STYX: variants seen among roughly 807,000 people sequenced by gnomAD.
The protein encoded by STYX is serine/threonine/tyrosine-interacting protein.
A neutral mutation model predicts 42.7 loss-of-function variants in STYX; 20 were observed. The ratio of observed to expected loss-of-function variants is 0.47; its 90% CI spans 0.33 to 0.68. The LOEUF (loss-of-function observed/expected upper bound fraction) is 0.68. Among genes scored for constraint, STYX ranks in the 30% least tolerant of loss-of-function variants. The pLI, the probability that STYX is intolerant of heterozygous loss-of-function variation, is 0.02. For synonymous variants in STYX, 78 were observed against 81.9 expected (o/e 0.95, Z 0.26); for missense variants, 226 against 268.5 (o/e 0.84, Z 1.11).
chr14:52,734,408 G>A (rs1880864917), intron 1 of STYX, among the ~76,000 whole-genome samples: 1 of 151,778 alleles, frequency 6.6e-6, no homozygotes, highest in East Asian at 1.9e-4. Flanking sequence ...CTCCCATAGA[G>A]GTGTGTGTGT....
intron 1 of STYX, among the ~76,000 whole-genome samples, chr14:52,733,900 TC>T (rs923523654): frequency 2.0e-5 from 3 of 151,932 alleles, no homozygotes; most frequent in Admixed American, 6.6e-5. Flanking sequence ...CTAGCAGCAC[TC>T]CCCCCCGACC....
intron 3 of STYX, among the ~76,000 whole-genome samples, chr14:52,749,929 G>A (rs1265768765): frequency 1.3e-5 from 2 of 152,110 alleles, no homozygotes; most frequent in East Asian, 1.9e-4. Flanking sequence ...ATGAAATTAC[G>A]TTCAGAGTAT....
At chr14:52,733,349 A>T (rs538275268) in intron 1 of STYX, among the ~76,000 whole-genome samples, 1 of 151,868 alleles carries the variant, frequency 6.6e-6, no homozygotes, top group Non-Finnish European at 1.5e-5. Flanking sequence ...TCTTTTTTTT[A>T]TGCTACCAGA....
At chr14:52,738,127 C>G (rs1881034598) in intron 1 of STYX, among the ~76,000 whole-genome samples, 1 of 152,096 alleles carries the variant, frequency 6.6e-6, no homozygotes, top group Non-Finnish European at 1.5e-5. Flanking sequence ...GTTAGGGCAG[C>G]AAAGAAGGTG....
chr14:52,746,273 A>AC (rs1881392974), intron 2 of STYX, among the ~76,000 whole-genome samples, 153 bp from the exon 3 acceptor site: 4 of 151,806 alleles, frequency 2.6e-5, no homozygotes, highest in Non-Finnish European at 4.4e-5. Context: ...TATTTTTTAA[A>AC]GAAAAAAAAA....
chr14:52,754,239 A>C (rs116326145), intron 4 of STYX, among the ~76,000 whole-genome samples: 2,569 of 149,166 alleles, frequency 0.017, 76 homozygotes, highest in African/African-American at 0.06. Context: ...CAAAGATAGG[A>C]TCTTTCTCTG....
intron 2 of STYX, among the ~76,000 whole-genome samples, chr14:52,745,270 G>A (rs543831865): frequency 3.3e-5 from 5 of 152,096 alleles, no homozygotes; most frequent in South Asian, 2.1e-4. Context: ...ACAGGCATGC[G>A]CCACCACACC....
chr14:52,761,128 A>C (rs1882076508), intron 9 of STYX, among the ~76,000 whole-genome samples: 1 of 152,150 alleles, frequency 6.6e-6, no homozygotes, highest in African/African-American at 2.4e-5. Context: ...CAGGAGTTCG[A>C]GACCAGCCTG....
intron 9 of STYX, among the ~76,000 whole-genome samples, chr14:52,762,424 G>A (rs1349521948): frequency 6.6e-6 from 1 of 152,162 alleles, no homozygotes; most frequent in African/African-American, 2.4e-5. Flanking sequence ...GATCACATTA[G>A]ATTGGATTTC....
rs540973540 is a variant in STYX, at chr14:52,743,037, C to T, written c.58-1815C>T. Among the ~76,000 whole-genome samples, 338 of 151,786 alleles carry T rather than the reference C, an allele frequency of 2.2e-3. 1 individual carries two copies. Among genetic ancestry groups the T allele is most frequent in the Non-Finnish European group, 4.0e-3 (270 of 67,908 alleles). ...TCTCAAATTCCTAACCTCAGGTGAT[C>T]CACCCGCCTCAGCCTCCCAAAGTGC... On this transcript the variant is annotated intron_variant, in intron 1 of 10. Transcript: ENST00000354586.
intron 1 of STYX, among the ~76,000 whole-genome samples, chr14:52,743,260 G>A (rs1192483763): frequency 6.6e-6 from 1 of 151,576 alleles, no homozygotes; most frequent in African/African-American, 2.4e-5. Context: ...CATTATAGAT[G>A]TATACTATTT....
chr14:52,773,812 T>C lies in STYX; in HGVS notation c.*2706T>C, dbSNP rs988892993. 2 of 152,186 alleles carry C rather than the reference T, an allele frequency of 1.3e-5. No homozygotes were observed. Among genetic ancestry groups the C allele is most frequent in the African/African-American group, 4.8e-5 (2 of 41,446 alleles). The allele number at this position is 152,186 out of a possible 1,614,324, so 9.4% of individuals were successfully genotyped here. A position where few individuals can be genotyped will look rare whatever the true frequency, so the allele number is the denominator to read the frequency against. Reference sequence around the variant, plus strand: ...TGATTCTTTTATTACCACTGATGTTTTGTGATAGTTAACTATGATAAATTT... The same window carrying C: ...TGATTCTTTTATTACCACTGATGTTCTGTGATAGTTAACTATGATAAATTT... On this transcript the variant is annotated 3_prime_UTR_variant, in exon 11 of 11. Coordinates refer to ENST00000354586, the MANE Select transcript of STYX (RefSeq NM_145251.4).
Position 52,730,395 on chromosome 14 carries a change from T to G in STYX, c.-80T>G. On this transcript the variant is annotated 5_prime_UTR_variant, in exon 1 of 11. Coordinates refer to ENST00000354586, the MANE Select transcript of STYX (RefSeq NM_145251.4). ...CTCCGCTCCGCCGGCCCTCCTTCCT[T>G]CCGCCGCCGCAGCCAGCCCGAGGGT... 4.0e-6 allele frequency: 6 copies of G among 1,512,864 alleles called. No individual in the cohort carries two copies. The highest frequency in any genetic ancestry group is 5.4e-6 in the Non-Finnish European group (6 of 1,102,928). 93.7% of individuals were successfully genotyped at this position (1,512,864 alleles called of 1,614,324 possible).
At chr14:52,735,765 T>TTAATGTGATCAAGCTATGA (rs1880922318) in intron 1 of STYX, among the ~76,000 whole-genome samples, 1 of 152,186 alleles carries the variant, frequency 6.6e-6, no homozygotes, top group Non-Finnish European at 1.5e-5. Flanking sequence ...GCTTTTAATG[T>TTAATGTGATCAAGCTATGA]TAATGTGATC....
Position 52,771,079 on chromosome 14 carries a change from G to C in STYX, c.645G>C (p.Met215Ile). 6.2e-7 allele frequency: 1 copy of C among 1,612,170 alleles called. No individual in the cohort carries two copies. The highest frequency in any genetic ancestry group is 8.5e-7 in the Non-Finnish European group (1 of 1,178,682). The change falls in exon 11 of 11, where the codon ATG (methionine) becomes ATC (isoleucine). Residue 215 changes from methionine to isoleucine, a missense_variant. By Grantham distance (10) the Met-to-Ile change is conservative. Coordinates refer to ENST00000354586, the MANE Select transcript of STYX (RefSeq NM_145251.4). ...AAGAAGAGGATGATTTTGGAACCAT[G>C]CAAGTGGCGACTGCACAGAATGGCT... The part of the protein sequence containing the change: ...THEEEDDFGT[M>I]QVATAQNG
rs1014822691 is a variant in STYX at position 52,774,873 on chromosome 14, A to G, written c.*3767A>G. On this transcript the variant is annotated 3_prime_UTR_variant, in exon 11 of 11. Transcript: ENST00000354586. ...ACATTTGTACTTGGATAAAATGCTTATGTCTGTATAGGAATGTCACAGTGC... is the reference window on the plus strand; with the variant it reads ...ACATTTGTACTTGGATAAAATGCTTGTGTCTGTATAGGAATGTCACAGTGC... The G allele has an allele frequency of 1.1e-4, 17 of 152,324 alleles. No homozygotes were observed. The East Asian group carries it at 1.7e-3, about 16-fold the overall frequency. The allele number at this position is 152,324 out of a possible 1,614,324, so 9.4% of individuals were successfully genotyped here.
chr14:52,733,483 G>A (rs545472793), intron 1 of STYX, among the ~76,000 whole-genome samples: 5 of 152,188 alleles, frequency 3.3e-5, no homozygotes, highest in Admixed American at 1.3e-4. Flanking sequence ...GCTCAGTCCC[G>A]CAAGGCTGCC....
chr14:52,730,708 C>T (rs1466494845), intron 1 of STYX, among the ~76,000 whole-genome samples, 177 bp downstream of exon 1: 3 of 152,248 alleles, frequency 2.0e-5, no homozygotes, highest in Non-Finnish European at 4.4e-5. Context: ...TGCTCGTCCT[C>T]TCCAGACCCC....
Position 52,757,728 on chromosome 14 carries a change from A to T in STYX, c.341-15A>T. ...AGGTGTTTTTCTATTAGAATAATGA[A>T]TTCATGTTTTTCAGGAAAAGTTCTT... On this transcript the variant is annotated splice_polypyrimidine_tract_variant and intron_variant, in intron 6 of 10. Coordinates refer to ENST00000354586, the MANE Select transcript of STYX (RefSeq NM_145251.4). 6.2e-7 allele frequency: 1 copy of T among 1,613,196 alleles called. No homozygotes were observed.
Sources: gnomAD v4.1 joint callset for allele counts (sites outside exome capture counted in the v4.1 genomes callset) on GRCh38, gnomAD v4.1.1 for gene constraint, MANE v1.5 for transcripts, NCBI Gene and HGNC (gene_info 2026-07-23, HGNC 2026-07-21) for gene names.